SAMHD1: variants seen among roughly 807,000 people sequenced by gnomAD.
SAMHD1 encodes the protein SAM and HD domain containing deoxynucleoside triphosphate triphosphohydrolase 1, also known as deoxynucleoside triphosphate triphosphohydrolase SAMHD1.
Under a neutral mutation model 79.6 loss-of-function variants are expected in SAMHD1, and 54 were observed. The ratio of observed to expected loss-of-function variants is 0.68; its 90% CI spans 0.55 to 0.85. The LOEUF (loss-of-function observed/expected upper bound fraction) is 0.85, where lower values mean the gene tolerates loss of function less well. Ranked by LOEUF, SAMHD1 falls within the 40% of genes least tolerant of loss-of-function variation. The pLI is 0.00. For synonymous variants in SAMHD1, 260 were observed against 264.1 expected (o/e 0.98, Z 0.15); for missense variants, 663 against 782.7 (o/e 0.85, Z 1.82).
At chr20:36,942,629 C>T (rs1475680467) in intron 2 of SAMHD1, among the ~76,000 whole-genome samples, 1 of 148,120 alleles carries the variant, frequency 6.8e-6, no homozygotes, top group African/African-American at 2.5e-5. Context: ...GTATATTTAA[C>T]GTGACAATGT....
At chr20:36,903,329 T>G (rs1193899096) in intron 13 of SAMHD1, among the ~76,000 whole-genome samples, 1 of 151,800 alleles carries the variant, frequency 6.6e-6, no homozygotes, top group Non-Finnish European at 1.5e-5. Flanking sequence ...AACCTCCGCC[T>G]CCCAGGTTCA....
rs114791229 is a variant in SAMHD1 at position 36,892,644 on chromosome 20, T to C, written c.*288A>G. 1,012 of 415,224 alleles carry C rather than the reference T, an allele frequency of 2.4e-3. 3 individuals carry two copies. The highest frequency in any genetic ancestry group is 0.013 in the African/African-American group (663 of 49,142). The allele number at this position is 415,224 out of a possible 1,614,324, so 25.7% of individuals were successfully genotyped here. A position where few individuals can be genotyped will look rare whatever the true frequency, so the allele number is the denominator to read the frequency against. ...CTTGTCTCTTAAAAAAGAAAAAAAA[T>C]AGAGTTCAGAATAGATAAAAGAGTT... On this transcript the variant is annotated 3_prime_UTR_variant, in exon 16 of 16. Transcript: ENST00000646673.
intron 7 of SAMHD1, among the ~76,000 whole-genome samples, chr20:36,918,485 A>G (rs1417672099): frequency 6.6e-6 from 1 of 151,726 alleles, no homozygotes; most frequent in African/African-American, 2.4e-5. Context: ...TGAATAAAAT[A>G]CTGCATATAT....
Position 36,897,435 on chromosome 20 carries a change from C to T in SAMHD1, c.1746+387G>A, listed in dbSNP as rs530864570. On this transcript the variant is annotated intron_variant, in intron 15 of 15. Transcript: ENST00000646673. Reference sequence around the variant, plus strand: ...ATAGCTAACTAATATACTGAAGTAACGAGGTTTAGAAACATGAAGTCTATT... The same window carrying T: ...ATAGCTAACTAATATACTGAAGTAATGAGGTTTAGAAACATGAAGTCTATT... 618 of 309,936 alleles carry T rather than the reference C, an allele frequency of 2.0e-3. 4 individuals carry two copies. The highest frequency in any genetic ancestry group is 2.9e-3 in the Non-Finnish European group (462 of 160,594). 19.2% of individuals were successfully genotyped at this position (309,936 alleles called of 1,614,324 possible). A position where few individuals can be genotyped will look rare whatever the true frequency, so the allele number is the denominator to read the frequency against.
intron 4 of SAMHD1, among the ~76,000 whole-genome samples, chr20:36,931,307 C>T (rs566203931): frequency 2.0e-5 from 3 of 152,312 alleles, no homozygotes; most frequent in African/African-American, 7.2e-5. Context: ...AGCAATTTCA[C>T]TTCTGGGTAT....
intron 3 of SAMHD1, among the ~76,000 whole-genome samples, chr20:36,939,071 A>T (rs1224250455): frequency 1.9e-5 from 2 of 106,698 alleles, no homozygotes. Context: ...TCTACTAAAA[A>T]TACCAAAAAA....
At position 36,919,517 on chromosome 20, in the gene SAMHD1, A is replaced by G. The variant is rs758776995; in HGVS notation, c.699T>C (p.His233=). ...PLARPEVKWT[H]EQGSVMMFEH... is the part of the protein sequence containing the mutation. ...CAAACATCATAACTGAGCCTTGTTCATGCTAGGAAAAGTAAGCACAATATG... is the reference window on the plus strand; with the variant it reads ...CAAACATCATAACTGAGCCTTGTTCGTGCTAGGAAAAGTAAGCACAATATG... The change falls in exon 7 of 16, where the codon CAT becomes CAC. Residue 233 remains histidine, a splice_region_variant and synonymous_variant. Transcript: ENST00000646673. 1.2e-6 allele frequency: 2 copies of G among 1,613,304 alleles called. No homozygotes were observed. The highest frequency in any genetic ancestry group is 1.7e-6 in the Non-Finnish European group (2 of 1,179,824).
At chr20:36,912,068 TC>T in intron 10 of SAMHD1, 1 of 246,522 alleles carries the variant, frequency 4.1e-6, no homozygotes, top group Admixed American at 5.1e-5. Context: ...TTAATCTTAA[TC>T]CTTAAAGTTA....
chr20:36,924,068 G>T (rs1306680010), intron 6 of SAMHD1, among the ~76,000 whole-genome samples: 1 of 152,098 alleles, frequency 6.6e-6, no homozygotes, highest in Non-Finnish European at 1.5e-5. Context: ...GGGTAACAAA[G>T]TGAGGCCCAC....
At chr20:36,893,136 A>C (rs1990121471) in intron 15 of SAMHD1, 70 bp from the exon 16 acceptor site, 1 of 1,577,190 alleles carries the variant, frequency 6.3e-7, no homozygotes, top group Non-Finnish European at 8.6e-7. Flanking sequence ...TCTGAGTGAA[A>C]GTCTCAAGTG....
rs1261229029 is a variant in SAMHD1, at chr20:36,890,280, C to G, written c.*2652G>C. On this transcript the variant is annotated 3_prime_UTR_variant, in exon 16 of 16. Transcript: ENST00000646673. ...GTTTCCCTTACCCAGTTGAAGTGGC[C>G]AGTCATTTTAATTTGCAGTTCTATT... 1 of 152,166 alleles carries G rather than the reference C, an allele frequency of 6.6e-6. No homozygotes were observed. Among genetic ancestry groups the G allele is most frequent in the East Asian group, 1.9e-4 (1 of 5,204 alleles). 9.4% of individuals were successfully genotyped at this position (152,166 alleles called of 1,614,324 possible).
intron 6 of SAMHD1, among the ~76,000 whole-genome samples, chr20:36,924,729 TTTC>T (rs1192667009): frequency 1.3e-5 from 2 of 152,154 alleles, no homozygotes; most frequent in African/African-American, 2.4e-5. Context: ...AAAAATTTCT[TTTC>T]TTCTTTTTTT....
At chr20:36,914,464 C>G (rs2063463988) in intron 9 of SAMHD1, among the ~76,000 whole-genome samples, 1 of 151,888 alleles carries the variant, frequency 6.6e-6, no homozygotes, top group African/African-American at 2.4e-5. Flanking sequence ...TATTTTTCTG[C>G]CTCAGCCTCC....
At chr20:36,894,822 C>A (rs552233720) in intron 15 of SAMHD1, among the ~76,000 whole-genome samples, 3 of 152,024 alleles carry the variant, frequency 2.0e-5, no homozygotes, top group East Asian at 3.9e-4. Context: ...ATCTCAAAAT[C>A]AACAGTATTT....
chr20:36,941,365 T>C (rs2063643400), intron 2 of SAMHD1, among the ~76,000 whole-genome samples: 2 of 152,128 alleles, frequency 1.3e-5, no homozygotes, highest in Non-Finnish European at 2.9e-5. Flanking sequence ...CTTGGTAAAT[T>C]TAAGACTTGA....
intron 9 of SAMHD1, among the ~76,000 whole-genome samples, chr20:36,914,947 G>A (rs561078193): frequency 1.3e-5 from 2 of 152,118 alleles, no homozygotes; most frequent in East Asian, 1.9e-4. Flanking sequence ...GGAAGGTGGA[G>A]GTTGCAGTGA....
chr20:36,922,953 C>T (rs1426287041), intron 6 of SAMHD1, among the ~76,000 whole-genome samples: 1 of 151,572 alleles, frequency 6.6e-6, no homozygotes, highest in Non-Finnish European at 1.5e-5. Flanking sequence ...CTGGTCAAAA[C>T]TTACTTTCTA....
chr20:36,912,999 CTTT>C (rs747354843), intron 9 of SAMHD1, among the ~76,000 whole-genome samples: 1 of 106,320 alleles, frequency 9.4e-6, no homozygotes, highest in Non-Finnish European at 1.9e-5. Context: ...TTCTTTCTTC[CTTT>C]TTTTTTTTTT....
At chr20:36,918,337 G>C (rs1377343365) in intron 7 of SAMHD1, among the ~76,000 whole-genome samples, 1 of 151,764 alleles carries the variant, frequency 6.6e-6, no homozygotes, top group African/African-American at 2.4e-5. Flanking sequence ...AAATACTGCA[G>C]GCCAGGTATG....
Sources: allele counts gnomAD v4.1 joint callset (sites outside exome capture counted in the v4.1 genomes callset), GRCh38; gene constraint gnomAD v4.1.1; transcripts MANE v1.5; gene names NCBI Gene and HGNC (gene_info 2026-07-23, HGNC 2026-07-21).